SMAP1: variants seen among roughly 807,000 people sequenced by gnomAD.
SMAP1 encodes small ArfGAP 1, also known as stromal membrane-associated protein 1.
In SMAP1, 24 loss-of-function variants were observed where a neutral mutation model predicts 58.5. The observed-to-expected ratio is 0.41, with a 90% CI of 0.30 to 0.58. SMAP1 has a LOEUF of 0.58. Ranked by LOEUF, SMAP1 falls within the 20% of genes least tolerant of loss-of-function variation. The pLI is 0.29. For synonymous variants in SMAP1, 216 were observed against 196.6 expected (o/e 1.10, Z -0.82); for missense variants, 563 against 566.3 (o/e 0.99, Z 0.06).
chr6:70,732,574 C>T lies in SMAP1; in HGVS notation c.252+63C>T, dbSNP rs1020441515. 6.8e-6 allele frequency: 9 copies of T among 1,326,908 alleles called. No homozygotes were observed. The African/African-American group carries it at 1.2e-4, about 18-fold the overall frequency. The allele number at this position is 1,326,908 out of a possible 1,614,324, so 82.2% of individuals were successfully genotyped here. On this transcript the variant is annotated intron_variant, in intron 2 of 10. Coordinates refer to ENST00000370455, the MANE Select transcript of SMAP1 (RefSeq NM_001044305.3). The stretch of plus-strand genomic sequence containing the variant: ...TAAAATGATTTAAAAATATTTAACC[C>T]TTCTTGCATCTAAGGATTAACATTG...
chr6:70,681,475 G>A (rs950730283), intron 1 of SMAP1, among the ~76,000 whole-genome samples: 6 of 152,114 alleles, frequency 3.9e-5, no homozygotes, highest in African/African-American at 1.4e-4. Context: ...TTCTTTCGCT[G>A]ATGTTAACAG....
chr6:70,849,431 A>T (rs1433313775), intron 7 of SMAP1, among the ~76,000 whole-genome samples: 1 of 38,488 alleles, frequency 2.6e-5, no homozygotes, highest in South Asian at 7.8e-4. Flanking sequence ...TAATAATAAT[A>T]AAAAAAACAC....
At chr6:70,825,138 A>G (rs1770060450) in intron 6 of SMAP1, among the ~76,000 whole-genome samples, 1 of 152,224 alleles carries the variant, frequency 6.6e-6, no homozygotes, top group East Asian at 1.9e-4. Flanking sequence ...TTGCGCATAT[A>G]TCCTGTGCTT....
At chr6:70,774,656 A>G (rs1165730815) in intron 4 of SMAP1, among the ~76,000 whole-genome samples, 2 of 152,022 alleles carry the variant, frequency 1.3e-5, no homozygotes, top group African/African-American at 2.4e-5. Flanking sequence ...AGGTGGGAGG[A>G]TCATTTGAAC....
intron 1 of SMAP1, among the ~76,000 whole-genome samples, chr6:70,680,712 G>GTT (rs34867967): frequency 0.027 from 2,143 of 79,028 alleles, 62 homozygotes; most frequent in African/African-American, 0.033. Flanking sequence ...TGGATTTCCT[G>GTT]TTTTTTTTTT....
intron 6 of SMAP1, among the ~76,000 whole-genome samples, chr6:70,833,283 G>C (rs1770437694): frequency 1.3e-5 from 2 of 152,122 alleles, no homozygotes; most frequent in South Asian, 4.1e-4. Context: ...TTTAATCTTT[G>C]TAGCTTTCAC....
chr6:70,756,454 C>T (rs1273078927), intron 3 of SMAP1, among the ~76,000 whole-genome samples: 1 of 151,906 alleles, frequency 6.6e-6, no homozygotes, highest in African/African-American at 2.4e-5. Flanking sequence ...GTCTGATATC[C>T]GAAGCTGTAT....
At chr6:70,715,081 G>A (rs1342408468) in intron 1 of SMAP1, among the ~76,000 whole-genome samples, 1 of 143,598 alleles carries the variant, frequency 7.0e-6, no homozygotes, top group African/African-American at 2.6e-5. Context: ...TCTCTGTGTG[G>A]GTTTCTTTTT....
At position 70,707,487 on chromosome 6, in the gene SMAP1, C is replaced by T. The variant is rs137870807; in HGVS notation, c.119-24891C>T. Among the ~76,000 whole-genome samples, 18 of 151,640 alleles carry T rather than the reference C, an allele frequency of 1.2e-4. No individual in the cohort carries two copies. In the East Asian group the frequency reaches 1.5e-3, roughly 13 times the overall value. On this transcript the variant is annotated intron_variant, in intron 1 of 10. Transcript: ENST00000370455. ...TAAAGGTCTTTTACTGTTGCCTTTG[C>T]GAAAAGAAAACTAAACACATATTTT...
intron 1 of SMAP1, among the ~76,000 whole-genome samples, chr6:70,712,887 G>T (rs1352125127): frequency 6.7e-6 from 1 of 149,916 alleles, no homozygotes; most frequent in Non-Finnish European, 1.5e-5. Context: ...TCTGCCTTCC[G>T]GGTTCAAGTG....
At chr6:70,715,422 G>A (rs561481567) in intron 1 of SMAP1, among the ~76,000 whole-genome samples, 27 of 152,118 alleles carry the variant, frequency 1.8e-4, no homozygotes, top group Non-Finnish European at 3.4e-4. Context: ...AATCCTATTT[G>A]GTATCATTTG....
intron 6 of SMAP1, among the ~76,000 whole-genome samples, chr6:70,821,780 G>A (rs1482624180): frequency 2.0e-5 from 3 of 152,098 alleles, no homozygotes; most frequent in Non-Finnish European, 2.9e-5. Context: ...GAAGAAACCC[G>A]CCAGAGATGT....
At chr6:70,729,121 C>G (rs1431905831) in intron 1 of SMAP1, among the ~76,000 whole-genome samples, 1 of 150,662 alleles carries the variant, frequency 6.6e-6, no homozygotes, top group Non-Finnish European at 1.5e-5. Context: ...TCTTTTTGTT[C>G]TTGATACTGC....
At chr6:70,741,381 T>C (rs1291860220) in intron 2 of SMAP1, among the ~76,000 whole-genome samples, 2 of 152,202 alleles carry the variant, frequency 1.3e-5, no homozygotes, top group East Asian at 1.9e-4. Context: ...ACAGGCCCCA[T>C]GCAAGTCGGA....
intron 3 of SMAP1, among the ~76,000 whole-genome samples, chr6:70,765,119 AAC>A (rs1766912826): frequency 6.6e-6 from 1 of 152,168 alleles, no homozygotes; most frequent in South Asian, 2.1e-4. Flanking sequence ...TGTCTTTATA[AAC>A]AGTGTCCAAT....
chr6:70,840,623 G>A (rs994787401), intron 7 of SMAP1, among the ~76,000 whole-genome samples: 6 of 152,150 alleles, frequency 3.9e-5, no homozygotes, highest in African/African-American at 1.4e-4. Flanking sequence ...CATGGGCTAG[G>A]GTTTGCTCAC....
chr6:70,683,075 C>T (rs571234418), intron 1 of SMAP1, among the ~76,000 whole-genome samples: 1 of 151,616 alleles, frequency 6.6e-6, no homozygotes, highest in African/African-American at 2.4e-5. Context: ...CAGTCTGTTA[C>T]TGGGTATTCA....
intron 7 of SMAP1, among the ~76,000 whole-genome samples, chr6:70,842,655 A>T (rs1770844463): frequency 6.6e-6 from 1 of 152,196 alleles, no homozygotes; most frequent in African/African-American, 2.4e-5. Context: ...AATGGCTTAA[A>T]CATAAGGACA....
intron 10 of SMAP1, 69 bp downstream of exon 10, chr6:70,858,298 T>TG: frequency 4.9e-6 from 6 of 1,216,208 alleles, no homozygotes; most frequent in East Asian, 2.8e-5. Context: ...TTTTTTTTTT[T>TG]TTTTTTTTTT....
Sources: allele counts gnomAD v4.1 joint callset (sites outside exome capture counted in the v4.1 genomes callset), GRCh38; gene constraint gnomAD v4.1.1; transcripts MANE v1.5; gene names NCBI Gene and HGNC (gene_info 2026-07-23, HGNC 2026-07-21).